Variants in TIMM44 observed in about 807,000 individuals in gnomAD.
TIMM44 encodes the protein translocase of inner mitochondrial membrane 44.
A neutral mutation model predicts 63.8 loss-of-function variants in TIMM44; 37 were observed. That is an observed-to-expected ratio of 0.58 (90% CI 0.45 to 0.76). TIMM44 has a LOEUF of 0.76. Among genes scored for constraint, TIMM44 ranks in the 30% least tolerant of loss-of-function variants. The pLI is 0.00. For missense variants in TIMM44, 573 were observed against 603.8 expected (o/e 0.95, Z 0.54); for synonymous variants, 239 against 245.1 (o/e 0.98, Z 0.23).
intron 12 of TIMM44, 164 bp from the exon 13 acceptor site, chr19:7,927,470 T>TA: frequency 1.9e-6 from 2 of 1,060,092 alleles, no homozygotes; most frequent in Middle Eastern, 2.1e-4. Flanking sequence ...TCAGCCTTGG[T>TA]AAAAACAGAC....
In TIMM44 at chr19:7,933,850, G is replaced by A. The variant is rs199639571; in HGVS notation, c.683+14C>T. Reference sequence around the variant, plus strand: ...CCAAAATGGGGGCAGCGAGGGCCACGGGCTGGTACCTACTCGTTTGGCTCA... The same window carrying A: ...CCAAAATGGGGGCAGCGAGGGCCACAGGCTGGTACCTACTCGTTTGGCTCA... On this transcript the variant is annotated intron_variant, in intron 6 of 12. Coordinates refer to ENST00000270538, the MANE Select transcript of TIMM44 (RefSeq NM_006351.4). The surrounding 1 kb of genome is among the most constrained non-coding windows in gnomAD (Gnocchi z 4.3). 1.2e-5 allele frequency: 19 copies of A among 1,613,926 alleles called. No individual in the cohort carries two copies. In the East Asian group the frequency reaches 2.5e-4, roughly 21 times the overall value.
rs1435811697 is a variant in TIMM44 at position 7,927,595 on chromosome 19, C to A, written c.1239+62G>T. The A allele has an allele frequency of 1.5e-5, 22 of 1,511,702 alleles. No homozygotes were observed. The African/African-American group carries it at 2.7e-4, about 19-fold the overall frequency. The allele number at this position is 1,511,702 out of a possible 1,614,324, so 93.6% of individuals were successfully genotyped here. On this transcript the variant is annotated intron_variant, in intron 12 of 12. Coordinates refer to ENST00000270538, the MANE Select transcript of TIMM44 (RefSeq NM_006351.4). Reference sequence around the variant, plus strand: ...TGAGCTGGGGTCTCTGCCAGGTGGCCACACACAGATCTTGGGGACAGGCGG... The same window carrying A: ...TGAGCTGGGGTCTCTGCCAGGTGGCAACACACAGATCTTGGGGACAGGCGG...
chr19:7,933,526 T>G lies in TIMM44; in HGVS notation c.728A>C (p.Gln243Pro). 3 of 1,614,116 alleles carry G rather than the reference T, an allele frequency of 1.9e-6. No homozygotes were observed. Among genetic ancestry groups the G allele is most frequent in the African/African-American group, 1.3e-5 (1 of 75,052 alleles). ...VVLHKDSKWY[Q>P]QWKDFKENNV... is the part of the protein sequence containing the mutation. ...GTTCTCCTTGAAGTCCTTCCACTGC[T>G]GGTACCACTTGGAGTCCTTGTGCAG... Residue 243 changes from glutamine to proline, a missense_variant, in exon 7 of 13, where the codon CAG becomes CCG. Coordinates refer to ENST00000270538, the MANE Select transcript of TIMM44 (RefSeq NM_006351.4). The surrounding 1 kb of genome is among the most constrained non-coding windows in gnomAD (Gnocchi z 4.3).
Position 7,933,730 on chromosome 19 carries a change from G to A in TIMM44, c.683+134C>T. 6.9e-7 allele frequency: 1 copy of A among 1,449,698 alleles called. No homozygotes were observed. Among genetic ancestry groups the A allele is most frequent in the Non-Finnish European group, 9.6e-7 (1 of 1,040,496 alleles). The allele number at this position is 1,449,698 out of a possible 1,614,324, so 89.8% of individuals were successfully genotyped here. On this transcript the variant is annotated intron_variant, in intron 6 of 12. Coordinates refer to ENST00000270538, the MANE Select transcript of TIMM44 (RefSeq NM_006351.4). This position sits in a 1 kb window ranked among gnomAD's most constrained non-coding sequence, Gnocchi z 4.3. ...CCTCACCTCTCACCCTCAAATTCGAGGGAGCCGGGAACCTTGGGCAGAAGG... is the reference window on the plus strand; with the variant it reads ...CCTCACCTCTCACCCTCAAATTCGAAGGAGCCGGGAACCTTGGGCAGAAGG...
chr19:7,941,062 T>TC, intron 2 of TIMM44, 40 bp downstream of exon 2: 1 of 1,552,040 alleles, frequency 6.4e-7, no homozygotes, highest in East Asian at 2.2e-5. Context: ...TTTTCGGGCC[T>TC]CCCCTGTGTC....
At position 7,927,265 on chromosome 19, in the gene TIMM44, T is replaced by A. The variant is rs1983837541; in HGVS notation, c.1281A>T (p.Arg427=). The change falls in exon 13 of 13, where the codon CGA becomes CGT. Residue 427 remains arginine, a synonymous_variant. Transcript: ENST00000270538. ...LRMLYVWALC[R]DQDELNPYAA... is the part of the protein sequence containing the mutation. The stretch of plus-strand genomic sequence containing the variant: ...CGTAGGGGTTGAGCTCGTCCTGGTC[T>A]CGGCAGAGCGCCCACACGTACAGCA... 1 of 1,611,950 alleles carries A rather than the reference T, an allele frequency of 6.2e-7. No homozygotes were observed. Among genetic ancestry groups the A allele is most frequent in the African/African-American group, 1.3e-5 (1 of 74,838 alleles).
At position 7,937,035 on chromosome 19, in the gene TIMM44, G is replaced by C. The variant is rs747847935; in HGVS notation, c.312+992C>G. ...GAGAATCGCTTGAGCCTAGGAGGCAGAGGTTGTGTTGAGCCAAAATCGTAC... is the reference window on the plus strand; with the variant it reads ...GAGAATCGCTTGAGCCTAGGAGGCACAGGTTGTGTTGAGCCAAAATCGTAC... On this transcript the variant is annotated intron_variant, in intron 3 of 12. Coordinates refer to ENST00000270538, the MANE Select transcript of TIMM44 (RefSeq NM_006351.4). 3.3e-5 allele frequency among the ~76,000 whole-genome samples: 5 copies of C among 151,850 alleles called. No individual in the cohort carries two copies. In the Middle Eastern group the frequency reaches 0.01, roughly 310 times the overall value.
At chr19:7,929,690 C>A (rs918304512) in intron 10 of TIMM44, among the ~76,000 whole-genome samples, 33 of 144,982 alleles carry the variant, frequency 2.3e-4, no homozygotes, top group Admixed American at 7.5e-4. Flanking sequence ...TGACTCCCAG[C>A]CCCCCCCCAG....
chr19:7,942,074 C>G (rs1483263071), intron 1 of TIMM44, among the ~76,000 whole-genome samples: 1 of 152,150 alleles, frequency 6.6e-6, no homozygotes, highest in African/African-American at 2.4e-5. Context: ...GCTGGCTGGG[C>G]GCGGTGGCTC....
chr19:7,940,723 C>T (rs954600858), intron 2 of TIMM44, among the ~76,000 whole-genome samples: 6 of 152,082 alleles, frequency 3.9e-5, no homozygotes, highest in African/African-American at 1.4e-4. Flanking sequence ...GACAAGGTGA[C>T]TCTGTACCAA....
chr19:7,932,344 A>G lies in TIMM44; in HGVS notation c.987+283T>C, dbSNP rs891192068. The G allele has an allele frequency of 1.6e-4, 78 of 498,140 alleles. No individual in the cohort carries two copies. The South Asian group carries it at 1.7e-3, about 11-fold the overall frequency. 30.9% of individuals were successfully genotyped at this position (498,140 alleles called of 1,614,324 possible). ...GCACCTGAGACAATCCCTAGCCTCCAGCAGCTGCTCCCAGCAACCTCAAAG... is the reference window on the plus strand; with the variant it reads ...GCACCTGAGACAATCCCTAGCCTCCGGCAGCTGCTCCCAGCAACCTCAAAG... On this transcript the variant is annotated intron_variant, in intron 9 of 12. Coordinates refer to ENST00000270538, the MANE Select transcript of TIMM44 (RefSeq NM_006351.4).
At position 7,935,167 on chromosome 19, in the gene TIMM44, C is replaced by CTTTTTTTT. The variant is rs753419157; in HGVS notation, c.313-30_313-23dup. 5 of 1,254,046 alleles carry CTTTTTTTT rather than the reference C, an allele frequency of 4.0e-6. 2 individuals are homozygous for CTTTTTTTT. In the Admixed American group the frequency reaches 1.0e-4, roughly 26 times the overall value. 77.7% of individuals were successfully genotyped at this position (1,254,046 alleles called of 1,614,324 possible). A position where few individuals can be genotyped will look rare whatever the true frequency, so the allele number is the denominator to read the frequency against. On this transcript the variant is annotated intron_variant, in intron 3 of 12. Transcript: ENST00000270538. The stretch of plus-strand genomic sequence containing the variant: ...TTTTCTAGGTAAAGAGCGCTGTGTC[C>CTTTTTTTT]TTTTTTTTTTTTTTTTTTTTGAGAC...
chr19:7,939,543 C>T (rs1439954469), intron 2 of TIMM44, among the ~76,000 whole-genome samples: 10 of 150,484 alleles, frequency 6.6e-5, no homozygotes, highest in African/African-American at 2.5e-4. Context: ...AACCCAGGAG[C>T]CGGAGGTTGC....
At chr19:7,935,166 CCTTT>C (rs1984113281) in intron 3 of TIMM44, 21 bp from the exon 4 acceptor site, 1 of 1,453,856 alleles carries the variant, frequency 6.9e-7, no homozygotes, top group Non-Finnish European at 9.2e-7. Flanking sequence ...AGCGCTGTGT[CCTTT>C]TTTTTTTTTT....
In TIMM44 at chr19:7,934,403, C is replaced by G. The variant is rs1351903548; in HGVS notation, c.394-165G>C. Among the ~76,000 whole-genome samples, 1 of 150,916 alleles carries G rather than the reference C, an allele frequency of 6.6e-6. No homozygotes were observed. The highest frequency in any genetic ancestry group is 1.5e-5 in the Non-Finnish European group (1 of 67,708). The stretch of plus-strand genomic sequence containing the variant: ...TACGCGGCACCCCCAGAGCCATGAG[C>G]ACAACGGCACCCCCAGAGCCACGAG... On this transcript the variant is annotated intron_variant, in intron 4 of 12. Coordinates refer to ENST00000270538, the MANE Select transcript of TIMM44 (RefSeq NM_006351.4). This position sits in a 1 kb window ranked among gnomAD's most constrained non-coding sequence, Gnocchi z 5.3.
At chr19:7,936,278 C>T (rs1227179681) in intron 3 of TIMM44, among the ~76,000 whole-genome samples, 1 of 152,068 alleles carries the variant, frequency 6.6e-6, no homozygotes, top group African/African-American at 2.4e-5. Context: ...TGATGAAACC[C>T]CGTCTCCACT....
In TIMM44 at chr19:7,930,874, T is replaced by C. The variant is rs561959269; in HGVS notation, c.1038+264A>G. ...CACCAGCCCAGAGAAGGATTCTCCCTAACAAAGTTTACAGTCTGGGAGCAA... is the reference window on the plus strand; with the variant it reads ...CACCAGCCCAGAGAAGGATTCTCCCCAACAAAGTTTACAGTCTGGGAGCAA... On this transcript the variant is annotated intron_variant, in intron 10 of 12. Coordinates refer to ENST00000270538, the MANE Select transcript of TIMM44 (RefSeq NM_006351.4). Among the ~76,000 whole-genome samples the C allele has an allele frequency of 4.6e-5, 7 of 152,290 alleles. No individual in the cohort carries two copies. The East Asian group carries it at 9.7e-4, about 21-fold the overall frequency.
At chr19:7,935,794 G>A (rs927932735) in intron 3 of TIMM44, among the ~76,000 whole-genome samples, 1 of 152,126 alleles carries the variant, frequency 6.6e-6, no homozygotes, top group African/African-American at 2.4e-5. Context: ...ACCACAGCTT[G>A]GTCTTATGTC....
chr19:7,927,441 G>A (rs1490724466), intron 12 of TIMM44, 135 bp from the exon 13 acceptor site: 11 of 1,190,380 alleles, frequency 9.2e-6, no homozygotes, highest in Non-Finnish European at 1.4e-5. Flanking sequence ...CAGCACAATT[G>A]CCTAGACTCA....
Sources: gnomAD v4.1 joint callset for allele counts (sites outside exome capture counted in the v4.1 genomes callset) on GRCh38, gnomAD v4.1.1 for gene constraint, Gnocchi (gnomAD v3.1) non-coding constraint, MANE v1.5 for transcripts, NCBI Gene and HGNC (gene_info 2026-07-23, HGNC 2026-07-21) for gene names.